The following ZSCAN5B variants were observed in gnomAD, a reference collection of about 807,000 sequenced individuals.
ZSCAN5B encodes zinc finger and SCAN domain containing 5B.
Under a neutral mutation model 25.2 loss-of-function variants are expected in ZSCAN5B, and 26 were observed. That is an observed-to-expected ratio of 1.03 (90% CI 0.76 to 1.43). The LOEUF is 1.43. Among genes scored for constraint, ZSCAN5B ranks in the 40% most tolerant of loss-of-function variants. The probability of loss-of-function intolerance (pLI) is 0.00; values close to 1 mark genes in which losing one functional copy is unlikely to be tolerated. For missense variants in ZSCAN5B, 745 were observed against 622.1 expected (o/e 1.20, Z -2.10); for synonymous variants, 244 against 240.9 (o/e 1.01, Z -0.12).
intron 4 of ZSCAN5B, 85 bp downstream of exon 4, chr19:56,190,752 C>A: frequency 5.1e-6 from 8 of 1,555,052 alleles, no homozygotes; most frequent in African/African-American, 1.4e-5. Context: ...GATCGCCAGC[C>A]CCAGGGGATG....
exon 5 of ZSCAN5B, chr19:56,190,056 A>T: frequency 6.2e-7 from 1 of 1,613,912 alleles, no homozygotes; most frequent in Non-Finnish European, 8.5e-7. Flanking sequence ...CTCGTGGGCG[A>T]ACCGCTTTTG....
rs377108542 is a variant in ZSCAN5B at position 56,192,050 on chromosome 19, T to C, written c.388A>G (p.Ile130Val). The C allele has an allele frequency of 2.5e-6, 4 of 1,610,026 alleles. No homozygotes were observed. In the African/African-American group the frequency reaches 4.0e-5, roughly 16 times the overall value. The change falls in exon 3 of 5, where the codon ATA becomes GTA. Residue 130 changes from isoleucine (I) to valine (V), a missense_variant. By Grantham distance (29) the Ile-to-Val change is conservative. Transcript: ENST00000586855. ...TATTCTTTGCCGAGCAAGTTGACTA[T>C]AGACTGTAGAGAGAAAAAAGACAAT...
In ZSCAN5B at chr19:56,190,432, T is replaced by A. The variant is rs61742626; in HGVS notation, c.883A>T (p.Ser295Cys). 9.7e-5 allele frequency: 156 copies of A among 1,614,142 alleles called. No homozygotes were observed. In the African/African-American group the frequency reaches 1.1e-3, roughly 12 times the overall value. The change falls in exon 5 of 5, where the codon AGT (serine) becomes TGT (cysteine). Residue 295 changes from serine to cysteine, a missense_variant. Coordinates refer to ENST00000586855, the Ensembl canonical transcript of ZSCAN5B. ...GCATCTGGTTTGCTTCTTTTGGGACTGCTCAGATTCAGAGCATCTCCTCTG... is the reference window on the plus strand; with the variant it reads ...GCATCTGGTTTGCTTCTTTTGGGACAGCTCAGATTCAGAGCATCTCCTCTG...
In ZSCAN5B at chr19:56,191,970, A is replaced by C. The variant is rs761520915; in HGVS notation, c.468T>G (p.Asp156Glu). Residue 156 changes from aspartate to glutamate, a missense_variant, in exon 3 of 5, where the codon GAT becomes GAG. Transcript: ENST00000586855. ...ACTGGCTGGACACGTCTCTCGGATC[A>C]TCTCTGACACTGGCGGGGGCTTCAG... is the stretch of plus-strand genomic sequence containing the variant. 2.5e-6 allele frequency: 4 copies of C among 1,613,912 alleles called. No individual in the cohort carries two copies. The African/African-American group carries it at 5.3e-5, about 22-fold the overall frequency.
At chr19:56,196,560 A>C (rs1275273598) in intron 1 of ZSCAN5B, among the ~76,000 whole-genome samples, 1 of 152,080 alleles carries the variant, frequency 6.6e-6, no homozygotes, top group African/African-American at 2.4e-5. Context: ...ACACACCTTG[A>C]CACACTATGC....
exon 5 of ZSCAN5B, chr19:56,190,505 T>A (rs1204829361): frequency 6.2e-7 from 1 of 1,613,930 alleles, no homozygotes; most frequent in South Asian, 1.1e-5. Context: ...AGGCAGAAGG[T>A]GTGTCAGCAT....
At chr19:56,193,140 T>C (rs1383532564) in exon 2 of ZSCAN5B, 4 of 1,382,932 alleles carry the variant, frequency 2.9e-6, no homozygotes, top group Non-Finnish European at 2.9e-6. Flanking sequence ...AGGCTGCCCC[T>C]GTTTCTTCTC....
chr19:56,190,638 C>T, intron 4 of ZSCAN5B, 63 bp from the exon 5 acceptor site: 1 of 1,579,922 alleles, frequency 6.3e-7, no homozygotes, highest in Non-Finnish European at 8.6e-7. Flanking sequence ...ACACCAAACT[C>T]ATTGCAACCA....
intron 1 of ZSCAN5B, among the ~76,000 whole-genome samples, chr19:56,194,595 C>T (rs538760982): frequency 1.5e-4 from 23 of 152,140 alleles, no homozygotes; most frequent in African/African-American, 5.5e-4. Context: ...TGCAGCTGGC[C>T]TACATTTTTA....
In ZSCAN5B at chr19:56,190,361, C is replaced by G. The variant is rs368088200; in HGVS notation, c.954G>C (p.Val318=). The change falls in exon 5 of 5, where the codon GTG becomes GTC. Residue 318 remains valine, a synonymous_variant. Coordinates refer to ENST00000586855, the Ensembl canonical transcript of ZSCAN5B. ...CTTGTCCTGGGGATTCTCTGTTGCC[C>G]ACAGGTGTGGCTTCTCCTTGAGGCT... is the stretch of plus-strand genomic sequence containing the variant. 4.3e-6 allele frequency: 7 copies of G among 1,613,952 alleles called. No homozygotes were observed. The African/African-American group carries it at 9.4e-5, about 22-fold the overall frequency.
intron 1 of ZSCAN5B, among the ~76,000 whole-genome samples, chr19:56,194,999 C>G (rs538351781): frequency 2.6e-5 from 4 of 152,278 alleles, no homozygotes; most frequent in Non-Finnish European, 5.9e-5. Context: ...CACCCAAGTT[C>G]AACAGCTATG....
intron 2 of ZSCAN5B, 120 bp from the exon 3 acceptor site, chr19:56,192,173 A>G (rs537174428): frequency 1.0e-6 from 1 of 967,706 alleles, no homozygotes; most frequent in Admixed American, 2.3e-5. Context: ...TACCTTCCTG[A>G]TGCAGAATCA....
exon 5 of ZSCAN5B, chr19:56,190,236 C>T: frequency 2.5e-6 from 4 of 1,614,160 alleles, no homozygotes; most frequent in Middle Eastern, 1.6e-4. Flanking sequence ...TGATTTATTG[C>T]ACACGTCACA....
chr19:56,191,017 G>T (rs1191657455), intron 3 of ZSCAN5B, 30 bp from the exon 4 acceptor site: 3 of 1,613,746 alleles, frequency 1.9e-6, no homozygotes, highest in Non-Finnish European at 2.5e-6. Flanking sequence ...AGCAATGACT[G>T]CCGTGTCTAT....
chr19:56,194,964 A>T (rs1044699289), intron 1 of ZSCAN5B, among the ~76,000 whole-genome samples: 2 of 152,160 alleles, frequency 1.3e-5, no homozygotes, highest in Non-Finnish European at 2.9e-5. Context: ...AAGCCACTGT[A>T]TGATACTCTC....
chr19:56,192,174 T>G, intron 2 of ZSCAN5B, 121 bp from the exon 3 acceptor site: 3 of 967,930 alleles, frequency 3.1e-6, no homozygotes, highest in Non-Finnish European at 4.6e-6. Flanking sequence ...ACCTTCCTGA[T>G]GCAGAATCAG....
At chr19:56,193,073 A>G (rs764770107) in exon 2 of ZSCAN5B, 281 of 1,521,626 alleles carry the variant, frequency 1.8e-4, no homozygotes, top group Non-Finnish European at 2.3e-4. Flanking sequence ...GAATATTTCA[A>G]TCAGCCTCTG....
chr19:56,196,249 G>A (rs61156353), intron 1 of ZSCAN5B, among the ~76,000 whole-genome samples: 7,020 of 151,938 alleles, frequency 0.046, 454 homozygotes, highest in East Asian at 0.26. Flanking sequence ...ATGGGGTCTC[G>A]CCATGTAGGC....
At position 56,191,832 on chromosome 19, in the gene ZSCAN5B, A is replaced by T; in HGVS notation, c.588+18T>A. On this transcript the variant is annotated intron_variant, in intron 3 of 4. Transcript: ENST00000586855. ...CTTCTCCCACCTCTGCCCAGACACCAAGGCCTCACACACTCACCTGCCTCC... is the reference window on the plus strand; with the variant it reads ...CTTCTCCCACCTCTGCCCAGACACCTAGGCCTCACACACTCACCTGCCTCC... 6.2e-7 allele frequency: 1 copy of T among 1,611,628 alleles called. No homozygotes were observed. The highest frequency in any genetic ancestry group is 8.5e-7 in the Non-Finnish European group (1 of 1,178,374).
Sources: gnomAD v4.1 joint callset for allele counts (sites outside exome capture counted in the v4.1 genomes callset) on GRCh38, gnomAD v4.1.1 for gene constraint, MANE v1.5 for transcripts, NCBI Gene and HGNC (gene_info 2026-07-23, HGNC 2026-07-21) for gene names.